Variants in TENM3 observed in about 807,000 individuals in gnomAD.
The protein encoded by TENM3 is teneurin transmembrane protein 3.
A neutral mutation model predicts 255.1 loss-of-function variants in TENM3; 63 were observed. The observed-to-expected ratio is 0.25, with a 90% CI of 0.20 to 0.30. The LOEUF is 0.30. TENM3 is among the 10% of genes least tolerant of loss of function. TENM3 has a pLI of 1.00. For missense variants in TENM3, 2,929 were observed against 3,461.1 expected (o/e 0.85, Z 3.86); for synonymous variants, 1,306 against 1,322.3 (o/e 0.99, Z 0.27).
the TENM3 span, among the ~76,000 whole-genome samples, chr4:181,815,644 G>A: frequency 6.6e-6 from 1 of 152,064 alleles, no homozygotes; most frequent in South Asian, 2.1e-4. Flanking sequence ...GTAACCAGTA[G>A]GAAGAGACCC....
chr4:182,668,738 A>T (rs560294144), intron 6 of TENM3, among the ~76,000 whole-genome samples: 1 of 152,342 alleles, frequency 6.6e-6, no homozygotes, highest in African/African-American at 2.4e-5. Flanking sequence ...TAATTTGTGG[A>T]GAAAGAAACA....
the TENM3 span, among the ~76,000 whole-genome samples, chr4:181,727,712 C>T: frequency 6.6e-6 from 1 of 152,122 alleles, no homozygotes; most frequent in Non-Finnish European, 1.5e-5. Context: ...AACATAAAAT[C>T]CATAAATGCA....
chr4:181,605,616 A>AGG, the TENM3 span, among the ~76,000 whole-genome samples: 5 of 114,198 alleles, frequency 4.4e-5, no homozygotes, highest in African/African-American at 1.1e-4. Context: ...AAAGAAAGAA[A>AGG]AGAAAGAACA....
chr4:182,789,219 C>T lies in TENM3; in HGVS notation c.5431C>T (p.Leu1811=). The stretch of plus-strand genomic sequence containing the variant: ...CACGTCTGGGCACCCGACTCTCTGG[C>T]TGCCAAGCAGCAAGCTGATGGCCGT... ...YDTSGHPTLW[L]PSSKLMAVNV... The change falls in exon 25 of 28, where the codon CTG becomes TTG. Residue 1811 remains leucine, a synonymous_variant. Transcript: ENST00000511685. The surrounding 1 kb of genome is among the most constrained non-coding windows in gnomAD (Gnocchi z 4.4). 6.2e-7 allele frequency: 1 copy of T among 1,613,640 alleles called. No individual in the cohort carries two copies.
chr4:182,449,245 T>G (rs1316615681), intron 3 of TENM3, among the ~76,000 whole-genome samples: 2 of 1,780 alleles, frequency 1.1e-3, no homozygotes, highest in Non-Finnish European at 4.3e-3. Context: ...CTCTTCTCCC[T>G]TGTGGTGTCG....
chr4:181,542,473 A>G, the TENM3 span, among the ~76,000 whole-genome samples: 1 of 152,198 alleles, frequency 6.6e-6, no homozygotes, highest in East Asian at 1.9e-4. Context: ...TGAAGAATGA[A>G]TTGTAGGAGA....
At chr4:182,170,314 A>G (rs1282844509) in intron 1 of TENM3, among the ~76,000 whole-genome samples, 1 of 152,098 alleles carries the variant, frequency 6.6e-6, no homozygotes, top group Admixed American at 6.6e-5. Context: ...TTCTTCTATA[A>G]CGTAGTTATA....
chr4:182,107,004 C>G, the TENM3 span, among the ~76,000 whole-genome samples: 1 of 152,132 alleles, frequency 6.6e-6, no homozygotes, highest in Non-Finnish European at 1.5e-5. Flanking sequence ...TACCTCCCGT[C>G]AAATGCCTGG....
the TENM3 span, among the ~76,000 whole-genome samples, chr4:181,929,288 C>T: frequency 1.5e-4 from 22 of 149,944 alleles, no homozygotes; most frequent in Admixed American, 1.2e-3. Flanking sequence ...ACCCATCTCA[C>T]ATGTAAAGAC....
rs1737459850 is a variant in TENM3, at chr4:182,512,065, A to G, written c.512-88859A>G. Among the ~76,000 whole-genome samples the G allele has an allele frequency of 2.0e-5, 3 of 152,190 alleles. No homozygotes were observed. In the South Asian group the frequency reaches 6.2e-4, roughly 31 times the overall value. ...TCAAAGGCATGGTTCTTAACCAGGA[A>G]CTCTCATCTCCTGGGATAGTGAAAG... On this transcript the variant is annotated intron_variant, in intron 3 of 27. Coordinates refer to ENST00000511685, the MANE Select transcript of TENM3 (RefSeq NM_001080477.4).
intron 3 of TENM3, among the ~76,000 whole-genome samples, chr4:182,437,090 A>C (rs1160437213): frequency 2.0e-5 from 3 of 151,832 alleles, no homozygotes; most frequent in South Asian, 4.2e-4. Context: ...TCAACTTCTC[A>C]CCTCTTAAAT....
chr4:182,495,489 A>G (rs1029472512), intron 3 of TENM3, among the ~76,000 whole-genome samples: 2 of 145,654 alleles, frequency 1.4e-5, no homozygotes, highest in African/African-American at 5.4e-5. Flanking sequence ...CTGTTTCTTT[A>G]GTTTCCTTTA....
the TENM3 span, among the ~76,000 whole-genome samples, chr4:181,767,056 T>G: frequency 2.2e-5 from 3 of 136,854 alleles, no homozygotes; most frequent in Non-Finnish European, 3.1e-5. Context: ...ATCAAGACCA[T>G]TCTGGCTAAC....
intron 26 of TENM3, 131 bp from the exon 27 acceptor site, chr4:182,796,506 C>A: frequency 2.3e-6 from 2 of 866,856 alleles, no homozygotes; most frequent in Non-Finnish European, 3.4e-6. Flanking sequence ...ATTTGTAGGA[C>A]GAAAGCAAAC....
intron 3 of TENM3, among the ~76,000 whole-genome samples, chr4:182,360,761 A>G (rs1305290433): frequency 6.6e-6 from 1 of 151,950 alleles, no homozygotes; most frequent in East Asian, 1.9e-4. Context: ...TGAACCTGTC[A>G]TTATGATGTT....
chr4:181,492,801 A>G, the TENM3 span, among the ~76,000 whole-genome samples: 2 of 152,196 alleles, frequency 1.3e-5, no homozygotes, highest in Non-Finnish European at 2.9e-5. Flanking sequence ...AGATTAGATA[A>G]ACTTTAGTTC....
the TENM3 span, among the ~76,000 whole-genome samples, chr4:181,912,401 A>G: frequency 6.8e-3 from 1,043 of 152,326 alleles, 5 homozygotes; most frequent in African/African-American, 0.023. Flanking sequence ...AGTCAATAAA[A>G]TAAGTACAGC....
chr4:181,888,502 A>ATGTG, the TENM3 span, among the ~76,000 whole-genome samples: 6 of 24,380 alleles, frequency 2.5e-4, no homozygotes, highest in East Asian at 1.1e-3. Flanking sequence ...GTGTATATAT[A>ATGTG]TATATATATA....
chr4:182,646,986 A>C (rs1315181811), intron 5 of TENM3, among the ~76,000 whole-genome samples: 1 of 152,194 alleles, frequency 6.6e-6, no homozygotes, highest in Non-Finnish European at 1.5e-5. Flanking sequence ...TGATTCTGTA[A>C]GTAAGCATGA....
Sources: allele counts gnomAD v4.1 joint callset (sites outside exome capture counted in the v4.1 genomes callset), GRCh38; gene constraint gnomAD v4.1.1; non-coding constraint Gnocchi (gnomAD v3.1); transcripts MANE v1.5; gene names NCBI Gene and HGNC (gene_info 2026-07-23, HGNC 2026-07-21).